Variants in ERCC1 observed in about 807,000 individuals in gnomAD.
ERCC1 encodes ERCC excision repair 1, endonuclease non-catalytic subunit.
ERCC1 carries 36 observed loss-of-function variants against 37.6 expected under a neutral mutation model. The ratio of observed to expected loss-of-function variants is 0.96; its 90% CI spans 0.73 to 1.26. The LOEUF is 1.26. ERCC1 is among the 50% of genes most tolerant of loss of function. The pLI, the probability that ERCC1 is intolerant of heterozygous loss-of-function variation, is 0.00. For missense variants in ERCC1, 349 were observed against 376.5 expected, an observed-to-expected ratio of 0.93 and a Z score of 0.60; for synonymous variants, 156 against 162.1, an observed-to-expected ratio of 0.96 and a Z score of 0.28.
chr19:45,433,158 G>C (rs752876860), intron 1 of ERCC1, among the ~76,000 whole-genome samples: 1 of 152,196 alleles, frequency 6.6e-6, no homozygotes, highest in Non-Finnish European at 1.5e-5. Flanking sequence ...GGGAGAACAA[G>C]GCAGGCAGAT....
At chr19:45,426,130 C>T (rs149156682), upstream of ERCC1, among the ~76,000 whole-genome samples, 2,088 of 151,876 alleles carry the variant, frequency 0.014, 28 homozygotes, top group South Asian at 0.054. Flanking sequence ...CCTGTAATCC[C>T]AGCACTTTGG....
chr19:45,411,862 G>C (rs142561286), intron 9 of ERCC1, among the ~76,000 whole-genome samples: 1 of 133,672 alleles, frequency 7.5e-6, no homozygotes, highest in Non-Finnish European at 1.6e-5. Flanking sequence ...TTTGGTTTTT[G>C]GTTTTCTTTT....
intron 1 of ERCC1, among the ~76,000 whole-genome samples, chr19:45,438,190 G>C (rs1004096610): frequency 2.0e-5 from 3 of 152,146 alleles, no homozygotes; most frequent in African/African-American, 7.2e-5. Flanking sequence ...GATTACAGGC[G>C]TGAGCCACTG....
chr19:45,440,147 G>T (rs1975083434), intron 1 of ERCC1, among the ~76,000 whole-genome samples: 1 of 151,730 alleles, frequency 6.6e-6, no homozygotes, highest in Non-Finnish European at 1.5e-5. Flanking sequence ...CGCTAGCCTG[G>T]CTGCCTTCCT....
At chr19:45,415,336 A>AG (rs1478726189) in intron 6 of ERCC1, among the ~76,000 whole-genome samples, 90 of 118,930 alleles carry the variant, frequency 7.6e-4, no homozygotes, top group African/African-American at 3.1e-3. Context: ...ACTCCATTTC[A>AG]GAAAAAAAAA....
In ERCC1 at chr19:45,423,817, C is replaced by T; in HGVS notation, c.-44G>A. 1 of 1,133,640 alleles carries T rather than the reference C, an allele frequency of 8.8e-7. No homozygotes were observed. Among genetic ancestry groups the T allele is most frequent in the Non-Finnish European group, 1.1e-6 (1 of 917,074 alleles). 70.2% of individuals were successfully genotyped at this position (1,133,640 alleles called of 1,614,324 possible). A position where few individuals can be genotyped will look rare whatever the true frequency, so the allele number is the denominator to read the frequency against. On this transcript the variant is annotated 5_prime_UTR_variant, in exon 1 of 10. Transcript: ENST00000300853. ...GCCTCACGGTTTCAGCGCCGCGAGG[C>T]CTCACCTGCTGGTCTTGGAGCCTCA...
intron 1 of ERCC1, among the ~76,000 whole-genome samples, chr19:45,429,464 AAAAG>A (rs978125774): frequency 1.3e-5 from 2 of 152,260 alleles, no homozygotes; most frequent in Admixed American, 6.5e-5. Flanking sequence ...CCATCTCAAA[AAAAG>A]AAAGAAAGAA....
At chr19:45,433,068 G>A (rs1475729207) in intron 1 of ERCC1, among the ~76,000 whole-genome samples, 1 of 150,320 alleles carries the variant, frequency 6.7e-6, no homozygotes. Flanking sequence ...CAACAAGAAT[G>A]AAACTCTGTC....
chr19:45,448,566 G>A (rs1335279300), intron 1 of ERCC1, among the ~76,000 whole-genome samples: 2 of 152,078 alleles, frequency 1.3e-5, no homozygotes, highest in Non-Finnish European at 2.9e-5. Context: ...AGAAGAGAGA[G>A]GCTGGGCACA....
At chr19:45,451,026 C>A (rs1243364141) in intron 1 of ERCC1, among the ~76,000 whole-genome samples, 1 of 151,722 alleles carries the variant, frequency 6.6e-6, no homozygotes, top group Non-Finnish European at 1.5e-5. Flanking sequence ...CCGGCCCGGG[C>A]GGACAGACCG....
intron 1 of ERCC1, among the ~76,000 whole-genome samples, chr19:45,440,564 G>A (rs1975095047): frequency 6.6e-6 from 1 of 152,156 alleles, no homozygotes. Flanking sequence ...TCAGAGCTGA[G>A]GCGAGGCATG....
intron 1 of ERCC1, among the ~76,000 whole-genome samples, chr19:45,430,027 A>AC: frequency 6.6e-6 from 1 of 152,090 alleles, no homozygotes; most frequent in East Asian, 1.9e-4. Flanking sequence ...CAGGTGATCC[A>AC]CCCGCCTCGG....
chr19:45,427,976 G>A (rs1198398104), upstream of ERCC1, among the ~76,000 whole-genome samples: 2 of 152,172 alleles, frequency 1.3e-5, no homozygotes, highest in African/African-American at 4.8e-5. Context: ...AGTTAAGAGC[G>A]AGGGGAAAAA....
At chr19:45,413,126 G>T (rs2123463059) in intron 9 of ERCC1, among the ~76,000 whole-genome samples, 1 of 152,286 alleles carries the variant, frequency 6.6e-6, no homozygotes, top group South Asian at 2.1e-4. Flanking sequence ...AGAAATCTCT[G>T]CCCAGTTCAA....
rs1974335291 is a variant in ERCC1 at position 45,420,332 on chromosome 19, C to A, written c.417G>T (p.Leu139=). The A allele has an allele frequency of 6.2e-7, 1 of 1,611,142 alleles. No homozygotes were observed. The highest frequency in any genetic ancestry group is 8.5e-7 in the Non-Finnish European group (1 of 1,177,940). The change falls in exon 4 of 10, where the codon CTG becomes CTT. Residue 139 remains leucine, a synonymous_variant. Transcript: ENST00000300853. This position sits in a 1 kb window ranked among gnomAD's most constrained non-coding sequence, Gnocchi z 4.8. ...DYVLGQSTCA[L]FLSLRYHNLH... is the part of the protein sequence containing the mutation. Reference sequence around the variant, plus strand: ...GGCGCCGCAGAGCTCACCTGAGGAACAGGGCACAGGTGCTCTGGCCCAGCA... The same window carrying A: ...GGCGCCGCAGAGCTCACCTGAGGAAAAGGGCACAGGTGCTCTGGCCCAGCA...
Position 45,408,302 on chromosome 19 carries a change from C to T in ERCC1, c.*1373G>A. ...TGGACTCACCTGTGCCTCAGCCCCC[C>T]AGGGCACCCTAAGGATCCTTGAGGG... On this transcript the variant is annotated 3_prime_UTR_variant, in exon 10 of 10. Coordinates refer to ENST00000300853, the MANE Select transcript of ERCC1 (RefSeq NM_001983.4). 6.2e-7 allele frequency: 1 copy of T among 1,613,068 alleles called. No individual in the cohort carries two copies. The highest frequency in any genetic ancestry group is 8.5e-7 in the Non-Finnish European group (1 of 1,179,426).
chr19:45,422,379 C>G (rs1160030424), intron 2 of ERCC1, among the ~76,000 whole-genome samples: 11 of 152,106 alleles, frequency 7.2e-5, no homozygotes. Flanking sequence ...TGGCTGTTCC[C>G]TCTACCCCAG....
intron 1 of ERCC1, among the ~76,000 whole-genome samples, chr19:45,448,675 C>A (rs984383114): frequency 6.6e-6 from 1 of 151,776 alleles, no homozygotes; most frequent in Non-Finnish European, 1.5e-5. Flanking sequence ...TAGTAAGACC[C>A]CATCTTTATT....
intron 1 of ERCC1, among the ~76,000 whole-genome samples, chr19:45,441,002 G>A (rs2123603135): frequency 6.6e-6 from 1 of 152,188 alleles, no homozygotes; most frequent in Middle Eastern, 3.4e-3. Flanking sequence ...CTCCTCCTAG[G>A]AAGGCACTGA....
Sources: allele counts gnomAD v4.1 joint callset (sites outside exome capture counted in the v4.1 genomes callset), GRCh38; gene constraint gnomAD v4.1.1; non-coding constraint Gnocchi (gnomAD v3.1); transcripts MANE v1.5; gene names NCBI Gene and HGNC (gene_info 2026-07-23, HGNC 2026-07-21).